The following NIBAN1 variants were observed in gnomAD, a reference collection of about 807,000 sequenced individuals.
NIBAN1 encodes protein Niban 1.
Under a neutral mutation model 75.1 loss-of-function variants are expected in NIBAN1, and 81 were observed. The ratio of observed to expected loss-of-function variants is 1.08; its 90% CI spans 0.90 to 1.30. The LOEUF (loss-of-function observed/expected upper bound fraction) is 1.30. Among genes scored for constraint, NIBAN1 ranks in the 50% most tolerant of loss-of-function variants. The pLI is 0.00. For missense variants in NIBAN1, 1,133 were observed against 1,128.1 expected (o/e 1.00, Z -0.06); for synonymous variants, 436 against 424.8 (o/e 1.03, Z -0.32).
rs768659913 is a variant in NIBAN1, at chr1:184,808,252, G to A, written c.1174-17C>T. The A allele has an allele frequency of 6.8e-6, 11 of 1,612,100 alleles. No individual in the cohort carries two copies. The South Asian group carries it at 1.1e-4, about 16-fold the overall frequency. ...GTCTAGATGCTGCATTTTGGTGAAGGGAAACATTAAACACCCTCAGAATGA... is the reference window on the plus strand; with the variant it reads ...GTCTAGATGCTGCATTTTGGTGAAGAGAAACATTAAACACCCTCAGAATGA... On this transcript the variant is annotated splice_polypyrimidine_tract_variant and intron_variant, in intron 9 of 13. Coordinates refer to ENST00000367511, the MANE Select transcript of NIBAN1 (RefSeq NM_052966.4).
At chr1:184,900,768 A>G (rs756739812) in intron 1 of NIBAN1, among the ~76,000 whole-genome samples, 3 of 152,226 alleles carry the variant, frequency 2.0e-5, no homozygotes, top group Non-Finnish European at 4.4e-5. Flanking sequence ...GCTGCAGGGT[A>G]CAGAAAGAAA....
At chr1:184,815,583 T>A (rs147635392) in intron 9 of NIBAN1, among the ~76,000 whole-genome samples, 6 of 152,344 alleles carry the variant, frequency 3.9e-5, no homozygotes, top group Non-Finnish European at 7.3e-5. Context: ...TCCTTGTGTA[T>A]GCCTCTATGA....
At chr1:184,819,636 C>A (rs1010590215) in intron 8 of NIBAN1, among the ~76,000 whole-genome samples, 87 of 152,218 alleles carry the variant, frequency 5.7e-4, no homozygotes, top group African/African-American at 2.0e-3. Flanking sequence ...TGAAGGAGGC[C>A]GGAGCTAGAA....
At chr1:184,808,366 C>T in intron 9 of NIBAN1, 131 bp from the exon 10 acceptor site, 1 of 865,020 alleles carries the variant, frequency 1.2e-6, no homozygotes, top group Non-Finnish European at 1.7e-6. Context: ...TGGATCCCTA[C>T]ATCTGTGACA....
intron 5 of NIBAN1, among the ~76,000 whole-genome samples, chr1:184,856,419 T>C (rs996330664): frequency 1.4e-4 from 21 of 152,332 alleles, no homozygotes; most frequent in African/African-American, 4.8e-4. Flanking sequence ...TCTTTATTTA[T>C]TTAATGAAAA....
intron 1 of NIBAN1, among the ~76,000 whole-genome samples, chr1:184,907,135 A>T (rs1657126325): frequency 1.3e-5 from 2 of 152,200 alleles, no homozygotes; most frequent in African/African-American, 4.8e-5. Flanking sequence ...ATTTTCTGCT[A>T]ATCTTTTTTC....
chr1:184,914,083 A>G (rs953853717), intron 1 of NIBAN1, among the ~76,000 whole-genome samples: 3 of 152,248 alleles, frequency 2.0e-5, no homozygotes, highest in Admixed American at 1.3e-4. Context: ...AGCACAGAGC[A>G]AACTTTCAAT....
intron 5 of NIBAN1, among the ~76,000 whole-genome samples, chr1:184,867,099 C>T (rs753467966): frequency 7.2e-5 from 11 of 151,854 alleles, no homozygotes; most frequent in Non-Finnish European, 1.5e-4. Context: ...ATCAGCAAGG[C>T]CAAACAGGAA....
chr1:184,889,079 A>T (rs1239224684), intron 4 of NIBAN1, among the ~76,000 whole-genome samples: 1 of 152,242 alleles, frequency 6.6e-6, no homozygotes, highest in Non-Finnish European at 1.5e-5. Context: ...CTCTTCAAGA[A>T]CCAAGTAATT....
intron 1 of NIBAN1, among the ~76,000 whole-genome samples, chr1:184,937,470 A>G (rs1473866077): frequency 6.6e-6 from 1 of 152,210 alleles, no homozygotes; most frequent in African/African-American, 2.4e-5. Flanking sequence ...AGAAAAGAAT[A>G]TGTATATTGT....
chr1:184,899,807 CTTTTTTTTTTT>C (rs66802117), intron 1 of NIBAN1, among the ~76,000 whole-genome samples: 2 of 100,346 alleles, frequency 2.0e-5, no homozygotes, highest in African/African-American at 7.4e-5. Flanking sequence ...ACATCACTCT[CTTTTTTTTTTT>C]TTTTTTTTTT....
intron 5 of NIBAN1, among the ~76,000 whole-genome samples, chr1:184,871,138 G>C (rs946333855): frequency 4.6e-5 from 7 of 152,002 alleles, no homozygotes; most frequent in African/African-American, 1.7e-4. Context: ...CCTGAGGTCA[G>C]GAGTTCAAGA....
chr1:184,907,712 G>A (rs1294444329), intron 1 of NIBAN1, among the ~76,000 whole-genome samples: 6 of 152,284 alleles, frequency 3.9e-5, no homozygotes, highest in African/African-American at 1.2e-4. Flanking sequence ...CTTAGAGAAC[G>A]GGGATAAATT....
At chr1:184,879,363 T>C (rs577777164) in intron 5 of NIBAN1, among the ~76,000 whole-genome samples, 49 of 152,322 alleles carry the variant, frequency 3.2e-4, no homozygotes, top group Admixed American at 6.5e-4. Context: ...TTCCAACTCA[T>C]AGATATGTGC....
At chr1:184,945,181 T>C (rs1658190432) in intron 1 of NIBAN1, among the ~76,000 whole-genome samples, 1 of 152,210 alleles carries the variant, frequency 6.6e-6, no homozygotes, top group African/African-American at 2.4e-5. Context: ...AGTTACTGCC[T>C]GCACTGAATT....
At chr1:184,849,393 TAG>T (rs943320901) in intron 5 of NIBAN1, among the ~76,000 whole-genome samples, 1 of 29,602 alleles carries the variant, frequency 3.4e-5, no homozygotes, top group Non-Finnish European at 5.5e-5. Context: ...ATTATCTCAA[TAG>T]ATGCAGAAAA....
At chr1:184,948,349 C>T (rs1456854355) in intron 1 of NIBAN1, among the ~76,000 whole-genome samples, 2 of 152,154 alleles carry the variant, frequency 1.3e-5, no homozygotes, top group South Asian at 2.1e-4. Flanking sequence ...TCCTGGAACA[C>T]AAAAAGGGTA....
intron 5 of NIBAN1, among the ~76,000 whole-genome samples, chr1:184,855,500 C>A (rs553580889): frequency 6.6e-6 from 1 of 152,012 alleles, no homozygotes; most frequent in Admixed American, 6.6e-5. Flanking sequence ...CTCCACATTT[C>A]TCTTCAGTTC....
intron 5 of NIBAN1, among the ~76,000 whole-genome samples, chr1:184,867,282 T>C (rs569713252): frequency 1.3e-5 from 2 of 152,260 alleles, no homozygotes; most frequent in African/African-American, 4.8e-5. Flanking sequence ...CTTTGTGGTT[T>C]GTGACTAGGG....
Sources: gnomAD v4.1 joint callset for allele counts (sites outside exome capture counted in the v4.1 genomes callset) on GRCh38, gnomAD v4.1.1 for gene constraint, MANE v1.5 for transcripts, NCBI Gene and HGNC (gene_info 2026-07-23, HGNC 2026-07-21) for gene names.